The following PREP variants were observed in gnomAD, a reference collection of about 807,000 sequenced individuals.
PREP encodes prolyl endopeptidase.
Under a neutral mutation model 87.6 loss-of-function variants are expected in PREP, and 29 were observed. The observed-to-expected ratio is 0.33, with a 90% CI of 0.25 to 0.45. The LOEUF is 0.45. PREP is among the 20% of genes least tolerant of loss of function. The pLI is 1.00. For missense variants in PREP, 695 were observed against 886.5 expected, an observed-to-expected ratio of 0.78 and a Z score of 2.74; for synonymous variants, 337 against 328.6, an observed-to-expected ratio of 1.03 and a Z score of -0.28.
chr6:105,323,647 A>G lies in PREP; in HGVS notation c.1317+18T>C, dbSNP rs1450603985. 1 of 1,578,468 alleles carries G rather than the reference A, an allele frequency of 6.3e-7. No individual in the cohort carries two copies. Among genetic ancestry groups the G allele is most frequent in the Non-Finnish European group, 8.7e-7 (1 of 1,147,490 alleles). On this transcript the variant is annotated intron_variant, in intron 10 of 14. Coordinates refer to ENST00000652536, the MANE Select transcript of PREP (RefSeq NM_002726.5). ...AGACTTCCTAACTCTCACATTAATG[A>G]GATCATATTCTCCATACCTGGACTG...
Position 105,278,345 on chromosome 6 carries a change from C to T in PREP, c.1932G>A (p.Val644=). 6.2e-7 allele frequency: 1 copy of T among 1,614,194 alleles called. No homozygotes were observed. Among genetic ancestry groups the T allele is most frequent in the Non-Finnish European group, 8.5e-7 (1 of 1,180,022 alleles). Residue 644 remains valine (V), a synonymous_variant, in exon 15 of 15, where the codon GTG becomes GTA. Transcript: ENST00000652536. The surrounding 1 kb of genome is among the most constrained non-coding windows in gnomAD (Gnocchi z 4.2). ...LLLTADHDDR[V]VPLHSLKFIA... ...TGAACTTCAGGGAGTGAAGCGGGAC[C>T]ACGCGGTCATCATGGTCAGCAGTGA...
At chr6:105,370,309 A>AC (rs1772502395) in intron 5 of PREP, among the ~76,000 whole-genome samples, 1 of 151,716 alleles carries the variant, frequency 6.6e-6, no homozygotes, top group African/African-American at 2.4e-5. Context: ...TCTCAAAAAA[A>AC]AAAAAAAAAA....
intron 7 of PREP, among the ~76,000 whole-genome samples, chr6:105,349,022 A>C (rs1240663378): frequency 6.6e-6 from 1 of 151,136 alleles, no homozygotes; most frequent in Admixed American, 6.5e-5. Flanking sequence ...CGATCTGCTT[A>C]GCTGTTCTGA....
intron 7 of PREP, among the ~76,000 whole-genome samples, chr6:105,338,877 C>T (rs1771550913): frequency 2.0e-5 from 3 of 152,214 alleles, no homozygotes; most frequent in Admixed American, 2.0e-4. Flanking sequence ...AGTACGTAAA[C>T]AAAGCGGCTG....
chr6:105,393,511 T>C (rs193074131), intron 2 of PREP, among the ~76,000 whole-genome samples: 1 of 152,324 alleles, frequency 6.6e-6, no homozygotes, highest in Non-Finnish European at 1.5e-5. Flanking sequence ...ATTCAGTTGA[T>C]TCTCTGAAGC....
intron 9 of PREP, among the ~76,000 whole-genome samples, chr6:105,327,731 G>A (rs1245979139): frequency 6.6e-6 from 1 of 152,146 alleles, no homozygotes; most frequent in Non-Finnish European, 1.5e-5. Flanking sequence ...GGGACAAAAA[G>A]CACTTTGGAG....
intron 10 of PREP, among the ~76,000 whole-genome samples, chr6:105,303,306 C>A (rs371024982): frequency 1.2e-4 from 18 of 151,912 alleles, no homozygotes; most frequent in African/African-American, 3.9e-4. Context: ...CTCAAGCAAT[C>A]CTCCTGCCTG....
At position 105,359,534 on chromosome 6, in the gene PREP, T is replaced by C. The variant is rs145325138; in HGVS notation, c.718-6457A>G. 8.8e-3 allele frequency among the ~76,000 whole-genome samples: 1,339 copies of C among 152,308 alleles called. 8 individuals are homozygous for C. Among genetic ancestry groups the C allele is most frequent in the Non-Finnish European group, 0.014 (980 of 68,026 alleles). The stretch of plus-strand genomic sequence containing the variant: ...TTTAACATATATTCAAGTACGTACA[T>C]TCATTCTCAAGTGTATATCTCACTG... On this transcript the variant is annotated intron_variant, in intron 6 of 14. Coordinates refer to ENST00000652536, the MANE Select transcript of PREP (RefSeq NM_002726.5).
chr6:105,385,285 A>G, intron 2 of PREP, among the ~76,000 whole-genome samples: 1 of 86,918 alleles, frequency 1.2e-5, no homozygotes, highest in Admixed American at 8.9e-5. Flanking sequence ...ATCTGCTTTA[A>G]AAAAAAAAAA....
intron 2 of PREP, among the ~76,000 whole-genome samples, chr6:105,397,447 G>A (rs891977962): frequency 2.6e-5 from 4 of 152,108 alleles, no homozygotes; most frequent in African/African-American, 9.7e-5. Flanking sequence ...ACAGTGTTCA[G>A]TTTTCATGAC....
chr6:105,345,352 C>G (rs1411726784), intron 7 of PREP, among the ~76,000 whole-genome samples: 1 of 152,128 alleles, frequency 6.6e-6, no homozygotes, highest in Non-Finnish European at 1.5e-5. Context: ...TCCCAAACCT[C>G]TCTGCATTCA....
intron 10 of PREP, among the ~76,000 whole-genome samples, chr6:105,296,821 G>A (rs1293856734): frequency 6.6e-6 from 1 of 151,992 alleles, no homozygotes; most frequent in East Asian, 1.9e-4. Context: ...TCTTCCTTCT[G>A]TTTTGCAATT....
At chr6:105,316,304 A>C (rs2114639149) in intron 10 of PREP, among the ~76,000 whole-genome samples, 1 of 152,322 alleles carries the variant, frequency 6.6e-6, no homozygotes, top group East Asian at 1.9e-4. Context: ...GTCTGACGAG[A>C]GGGAGAGAGA....
intron 2 of PREP, among the ~76,000 whole-genome samples, chr6:105,393,309 G>C (rs1583106834): frequency 6.6e-6 from 1 of 152,140 alleles, no homozygotes; most frequent in East Asian, 1.9e-4. Flanking sequence ...GGCTAATTCT[G>C]ACAGTGCCTG....
At chr6:105,399,137 G>T (rs1773358779) in intron 1 of PREP, among the ~76,000 whole-genome samples, 1 of 151,930 alleles carries the variant, frequency 6.6e-6, no homozygotes, top group South Asian at 2.1e-4. Flanking sequence ...CCCCATTAAT[G>T]AAACCACACT....
chr6:105,333,594 T>C lies in PREP; in HGVS notation c.824-89A>G, dbSNP rs1240669669. 31 of 1,288,992 alleles carry C rather than the reference T, an allele frequency of 2.4e-5. No individual in the cohort carries two copies. In the Admixed American group the frequency reaches 5.0e-4, roughly 21 times the overall value. 79.8% of individuals were successfully genotyped at this position (1,288,992 alleles called of 1,614,324 possible). On this transcript the variant is annotated intron_variant, in intron 7 of 14. Transcript: ENST00000652536. The stretch of plus-strand genomic sequence containing the variant: ...TAGGGAGGGGAGGGTGGATCTTTCT[T>C]ATCCTCAAAACATAAAGCAGAGATA...
chr6:105,395,202 G>A (rs543591266), intron 2 of PREP, among the ~76,000 whole-genome samples: 30 of 152,328 alleles, frequency 2.0e-4, no homozygotes, highest in African/African-American at 7.0e-4. Context: ...GTCAGCATGG[G>A]AGTGGGGGCT....
intron 7 of PREP, among the ~76,000 whole-genome samples, chr6:105,342,434 T>C (rs993075877): frequency 1.1e-4 from 16 of 152,218 alleles, no homozygotes; most frequent in African/African-American, 3.9e-4. Context: ...TCATACTGAA[T>C]GGGCAAAAAC....
At chr6:105,302,550 C>T (rs1479193288) in intron 10 of PREP, 3 of 396,530 alleles carry the variant, frequency 7.6e-6, no homozygotes, top group Non-Finnish European at 4.9e-6. Flanking sequence ...GGGCCAGTGG[C>T]GCAGGCGCAT....
Sources: gnomAD v4.1 joint callset for allele counts (sites outside exome capture counted in the v4.1 genomes callset) on GRCh38, gnomAD v4.1.1 for gene constraint, Gnocchi (gnomAD v3.1) non-coding constraint, MANE v1.5 for transcripts, NCBI Gene and HGNC (gene_info 2026-07-23, HGNC 2026-07-21) for gene names.